The following NIBAN2 variants were observed in gnomAD, a reference collection of about 807,000 sequenced individuals.
NIBAN2 encodes the protein niban apoptosis regulator 2, also known as protein Niban 2.
Under a neutral mutation model 81.8 loss-of-function variants are expected in NIBAN2, and 36 were observed. The ratio of observed to expected loss-of-function variants is 0.44; its 90% CI spans 0.34 to 0.58. NIBAN2 has a LOEUF of 0.58. Ranked by LOEUF, NIBAN2 falls within the 20% of genes least tolerant of loss-of-function variation. The pLI is 0.02. For synonymous variants in NIBAN2, 445 were observed against 441.6 expected, an observed-to-expected ratio of 1.01 and a Z score of -0.10; for missense variants, 897 against 1,014.1, an observed-to-expected ratio of 0.88 and a Z score of 1.57.
At chr9:127,546,576 C>T (rs1259566281) in intron 1 of NIBAN2, among the ~76,000 whole-genome samples, 2 of 152,168 alleles carry the variant, frequency 1.3e-5, no homozygotes, top group Admixed American at 1.3e-4. Flanking sequence ...AGCCCCGCCC[C>T]ATCAGACAGG....
At chr9:127,512,180 T>C (rs1836749448) in intron 8 of NIBAN2, among the ~76,000 whole-genome samples, 1 of 152,212 alleles carries the variant, frequency 6.6e-6, no homozygotes, top group Non-Finnish European at 1.5e-5. Context: ...AATGCAACTA[T>C]TTGTCTCTTT....
In NIBAN2 at chr9:127,507,491, T is replaced by C; in HGVS notation, c.1655-60A>G. On this transcript the variant is annotated intron_variant, in intron 13 of 13. Transcript: ENST00000373312. This position sits in a 1 kb window ranked among gnomAD's most constrained non-coding sequence, Gnocchi z 6.8. ...ACTGATCCCACAGCCGCCCCTGTGC[T>C]GGACTCTGCTCAAAGAAGACCCGTC... 7 of 1,379,550 alleles carry C rather than the reference T, an allele frequency of 5.1e-6. No homozygotes were observed. Among genetic ancestry groups the C allele is most frequent in the Non-Finnish European group, 6.8e-6 (7 of 1,034,038 alleles). 85.5% of individuals were successfully genotyped at this position (1,379,550 alleles called of 1,614,324 possible). A position where few individuals can be genotyped will look rare whatever the true frequency, so the allele number is the denominator to read the frequency against.
At position 127,527,331 on chromosome 9, in the gene NIBAN2, A is replaced by C; in HGVS notation, c.187-9T>G. On this transcript the variant is annotated splice_polypyrimidine_tract_variant and intron_variant, in intron 2 of 13. Coordinates refer to ENST00000373312, the MANE Select transcript of NIBAN2 (RefSeq NM_022833.4). The stretch of plus-strand genomic sequence containing the variant: ...CGCTCGTCCAGTGGCACCTGTGGGC[A>C]GGAGCGGGTGGGGAGTGAGGCCCAG... 1 of 1,563,336 alleles carries C rather than the reference A, an allele frequency of 6.4e-7. No homozygotes were observed. Among genetic ancestry groups the C allele is most frequent in the Non-Finnish European group, 8.8e-7 (1 of 1,141,524 alleles).
intron 3 of NIBAN2, among the ~76,000 whole-genome samples, chr9:127,526,932 G>C (rs184516850): frequency 7.9e-6 from 1 of 127,162 alleles, no homozygotes; most frequent in Non-Finnish European, 1.7e-5. Flanking sequence ...GGAGGGATGG[G>C]GAGGAGTGAG....
chr9:127,536,388 G>A lies in NIBAN2; in HGVS notation c.56-4610C>T, dbSNP rs1373188675. On this transcript the variant is annotated intron_variant, in intron 1 of 13. Transcript: ENST00000373312. The surrounding 1 kb of genome is among the most constrained non-coding windows in gnomAD (Gnocchi z 4.0). ...AGCCAGAGGACCCAGCCTGGCCACC[G>A]CCTTACCTGCTGAGCTCTGGGGCTG... 2.6e-5 allele frequency among the ~76,000 whole-genome samples: 4 copies of A among 152,174 alleles called. No homozygotes were observed. Among genetic ancestry groups the A allele is most frequent in the African/African-American group, 7.2e-5 (3 of 41,434 alleles).
chr9:127,574,361 C>T (rs1837983771), intron 1 of NIBAN2, among the ~76,000 whole-genome samples: 1 of 152,136 alleles, frequency 6.6e-6, no homozygotes, highest in Admixed American at 6.5e-5. Flanking sequence ...ACCTGCCCCG[C>T]CCCTCCCCTG....
intron 1 of NIBAN2, among the ~76,000 whole-genome samples, chr9:127,547,543 C>A (rs7021765): frequency 0.021 from 3,027 of 145,876 alleles, 72 homozygotes; most frequent in African/African-American, 0.062. Flanking sequence ...ACAACAACAA[C>A]AAAAAACAGC....
chr9:127,515,528 A>C (rs1412731560), intron 8 of NIBAN2, among the ~76,000 whole-genome samples: 4 of 68,200 alleles, frequency 5.9e-5, no homozygotes, highest in African/African-American at 1.9e-4. Flanking sequence ...CTCAAAAAAA[A>C]AAAAAAAAAA....
At chr9:127,538,632 A>G (rs202003207) in intron 1 of NIBAN2, among the ~76,000 whole-genome samples, 1 of 10,836 alleles carries the variant, frequency 9.2e-5, no homozygotes, top group East Asian at 5.4e-4. Context: ...ATCTCAAAGA[A>G]AAAAAAAAAA....
At chr9:127,526,391 T>C (rs1203723083) in intron 3 of NIBAN2, among the ~76,000 whole-genome samples, 5 of 127,774 alleles carry the variant, frequency 3.9e-5, no homozygotes, top group African/African-American at 1.5e-4. Context: ...AGAGCTAGAC[T>C]TCATCTCAAA....
intron 5 of NIBAN2, among the ~76,000 whole-genome samples, chr9:127,518,708 G>T (rs1836879351): frequency 6.6e-6 from 1 of 152,212 alleles, no homozygotes; most frequent in Non-Finnish European, 1.5e-5. Flanking sequence ...CAGGTCCACT[G>T]CGGGGCTCCC....
At chr9:127,575,700 T>C (rs535480097) in intron 1 of NIBAN2, among the ~76,000 whole-genome samples, 2 of 152,126 alleles carry the variant, frequency 1.3e-5, no homozygotes, top group Admixed American at 6.6e-5. Flanking sequence ...TGGTTAATTC[T>C]GGTATTTTTA....
At chr9:127,523,949 G>C in intron 4 of NIBAN2, 103 bp from the exon 5 acceptor site, 1 of 1,334,720 alleles carries the variant, frequency 7.5e-7, no homozygotes, top group Non-Finnish European at 1.0e-6. Flanking sequence ...GTCAGGCTCA[G>C]GCCCAGAGAA....
In NIBAN2 at chr9:127,517,155, C is replaced by T. The variant is rs942990871; in HGVS notation, c.767G>A (p.Arg256Gln). The T allele has an allele frequency of 4.3e-6, 7 of 1,614,056 alleles. No individual in the cohort carries two copies. The highest frequency in any genetic ancestry group is 1.3e-5 in the African/African-American group (1 of 75,060). Residue 256 changes from arginine (R) to glutamine (Q), a missense_variant, in exon 7 of 14, where the codon CGG (arginine) becomes CAG (glutamine). Around this residue, in one of 3 missense-constraint regions of NIBAN2, gnomAD observed 619 missense variants for 691.0 expected, o/e 0.90. Transcript: ENST00000373312. This position sits in a 1 kb window ranked among gnomAD's most constrained non-coding sequence, Gnocchi z 4.0. Reference sequence around the variant, plus strand: ...CCGCTCCTGCGGTTTCCCCTTCAGCCGCGGGCCGAGCTCTGCCTTCAGCTC... The same window carrying T: ...CCGCTCCTGCGGTTTCCCCTTCAGCTGCGGGCCGAGCTCTGCCTTCAGCTC... ...GPELKAELGPRLKGKPQERQR... is the reference protein window; with the variant it reads ...GPELKAELGPQLKGKPQERQR...
intron 1 of NIBAN2, among the ~76,000 whole-genome samples, chr9:127,567,116 T>TA (rs1252361193): frequency 6.6e-6 from 1 of 152,108 alleles, no homozygotes. Flanking sequence ...CCCTCCCCTG[T>TA]AACATGCCAG....
Position 127,559,374 on chromosome 9 carries a change from C to T in NIBAN2, c.55+9446G>A, listed in dbSNP as rs1564318772. On this transcript the variant is annotated intron_variant, in intron 1 of 13. Coordinates refer to ENST00000373312, the MANE Select transcript of NIBAN2 (RefSeq NM_022833.4). The surrounding 1 kb of genome is among the most constrained non-coding windows in gnomAD (Gnocchi z 4.0). ...GGGGTCACAGCTGGAAGTGCATGCC[C>T]GTTGCACAGATAGGCAAAGTGAGGA... Among the ~76,000 whole-genome samples, 1 of 152,192 alleles carries T rather than the reference C, an allele frequency of 6.6e-6. No individual in the cohort carries two copies. The highest frequency in any genetic ancestry group is 1.5e-5 in the Non-Finnish European group (1 of 68,034).
rs750273755 is a variant in NIBAN2, at chr9:127,531,678, C to T, written c.156G>A (p.Gly52=). 9 of 1,613,694 alleles carry T rather than the reference C, an allele frequency of 5.6e-6. No individual in the cohort carries two copies. In the African/African-American group the frequency reaches 1.2e-4, roughly 22 times the overall value. Residue 52 remains glycine (G), a synonymous_variant, in exon 2 of 14, where the codon GGG becomes GGA. Transcript: ENST00000373312. ...NSMRHEIEGT[G]LPQAQLLWRK... is the part of the protein sequence containing the mutation. ...GCCAGAGCAGCTGGGCCTGCGGCAG[C>T]CCCGTGCCCTCAATCTCATGGCGCA...
At chr9:127,562,151 G>A (rs1292977969) in intron 1 of NIBAN2, among the ~76,000 whole-genome samples, 3 of 152,058 alleles carry the variant, frequency 2.0e-5, no homozygotes, top group East Asian at 1.9e-4. Context: ...CCTATGGGAG[G>A]GAGACTGACA....
intron 4 of NIBAN2, among the ~76,000 whole-genome samples, chr9:127,524,516 G>T (rs1046082385): frequency 2.6e-5 from 4 of 152,158 alleles, no homozygotes; most frequent in African/African-American, 9.7e-5. Flanking sequence ...TTCAGGGGAG[G>T]GGGGGTGACT....
Sources: allele counts gnomAD v4.1 joint callset (sites outside exome capture counted in the v4.1 genomes callset), GRCh38; gene constraint gnomAD v4.1.1; regional missense constraint gnomAD v4.1.1; non-coding constraint Gnocchi (gnomAD v3.1); transcripts MANE v1.5; gene names NCBI Gene and HGNC (gene_info 2026-07-23, HGNC 2026-07-21).